Variants in PRIM2 observed in about 807,000 individuals in gnomAD.
PRIM2 encodes the protein DNA primase subunit 2.
PRIM2 carries 39 observed loss-of-function variants against 67.3 expected under a neutral mutation model. The ratio of observed to expected loss-of-function variants is 0.58; its 90% confidence interval spans 0.45 to 0.76. PRIM2 has a LOEUF of 0.76. Ranked by LOEUF, PRIM2 falls within the 30% of genes least tolerant of loss-of-function variation. PRIM2 has a pLI of 0.00. For synonymous variants in PRIM2, 143 were observed against 198.7 expected (o/e 0.72, Z 2.36); for missense variants, 398 against 598.7 (o/e 0.66, Z 3.50).
chr6:57,320,080 A>T (rs1021884252), intron 2 of PRIM2, among the ~76,000 whole-genome samples: 58 of 152,194 alleles, frequency 3.8e-4, no homozygotes, highest in African/African-American at 1.4e-3. Context: ...TGTTGAATCT[A>T]TGCCAAGTAA....
At chr6:57,305,362 G>A in the PRIM2 span, among the ~76,000 whole-genome samples, 4 of 152,230 alleles carry the variant, frequency 2.6e-5, no homozygotes, top group South Asian at 8.3e-4. Flanking sequence ...CAGTTCAGCC[G>A]ACAGCTTTGG....
chr6:57,527,323 A>G (rs1774777834), intron 8 of PRIM2, among the ~76,000 whole-genome samples: 1 of 152,234 alleles, frequency 6.6e-6, no homozygotes, highest in Admixed American at 6.5e-5. Flanking sequence ...TATCTTGTGG[A>G]AAGTGAAATC....
At chr6:57,623,470 A>ATACTCTGTTTATATAG (rs1172334994) in intron 12 of PRIM2, among the ~76,000 whole-genome samples, 1 of 152,148 alleles carries the variant, frequency 6.6e-6, no homozygotes, top group African/African-American at 2.4e-5. Flanking sequence ...TTAAAATTTA[A>ATACTCTGTTTATATAG]TACTCTGTTT....
intron 7 of PRIM2, among the ~76,000 whole-genome samples, chr6:57,383,880 C>T (rs966001776): frequency 1.3e-5 from 2 of 152,192 alleles, no homozygotes; most frequent in African/African-American, 4.8e-5. Flanking sequence ...GTGGAATTCT[C>T]TTTCTCTAGT....
the PRIM2 span, among the ~76,000 whole-genome samples, chr6:57,228,728 T>C: frequency 6.6e-6 from 1 of 152,192 alleles, no homozygotes; most frequent in African/African-American, 2.4e-5. Context: ...ATTCCAGCTG[T>C]ACCACTTACT....
chr6:57,417,767 G>A (rs1347039975), intron 7 of PRIM2, among the ~76,000 whole-genome samples: 2 of 152,182 alleles, frequency 1.3e-5, no homozygotes, highest in Admixed American at 6.5e-5. Context: ...GCAGAAACAC[G>A]AAGTGAGCAC....
chr6:57,466,154 T>C (rs1215889299), intron 7 of PRIM2, among the ~76,000 whole-genome samples: 1 of 152,220 alleles, frequency 6.6e-6, no homozygotes, highest in Non-Finnish European at 1.5e-5. Flanking sequence ...CATGAACTTA[T>C]CCTTTTCTAT....
At chr6:57,553,607 T>C (rs1775447583) in intron 10 of PRIM2, among the ~76,000 whole-genome samples, 1 of 152,004 alleles carries the variant, frequency 6.6e-6, no homozygotes, top group Non-Finnish European at 1.5e-5. Flanking sequence ...CAACATTGCA[T>C]GCACTTTCGT....
chr6:57,463,451 T>G (rs1773076741), intron 7 of PRIM2, among the ~76,000 whole-genome samples: 1 of 152,160 alleles, frequency 6.6e-6, no homozygotes, highest in South Asian at 2.1e-4. Flanking sequence ...GTGATTATAC[T>G]ACTGCAGCCC....
At chr6:57,293,620 A>G in the PRIM2 span, among the ~76,000 whole-genome samples, 4 of 152,236 alleles carry the variant, frequency 2.6e-5, no homozygotes, top group African/African-American at 9.6e-5. Flanking sequence ...GATTAAGAAA[A>G]TGTGGCACAT....
At chr6:57,639,715 C>T (rs1395024570) in intron 13 of PRIM2, among the ~76,000 whole-genome samples, 20 of 149,554 alleles carry the variant, frequency 1.3e-4, no homozygotes, top group African/African-American at 5.0e-4. Context: ...AGACTAATAA[C>T]AGGTTCTGAA....
At chr6:57,371,360 G>T (rs529928053) in intron 5 of PRIM2, among the ~76,000 whole-genome samples, 71 of 152,120 alleles carry the variant, frequency 4.7e-4, no homozygotes, top group African/African-American at 1.7e-3. Flanking sequence ...ATTATGCTAG[G>T]TGAAGTATTA....
At chr6:57,522,970 C>T (rs1162964719) in intron 8 of PRIM2, among the ~76,000 whole-genome samples, 1 of 152,102 alleles carries the variant, frequency 6.6e-6, no homozygotes, top group East Asian at 1.9e-4. Context: ...TATTCAAGGA[C>T]ATCTAAATTC....
the PRIM2 span, among the ~76,000 whole-genome samples, chr6:57,232,500 G>A: frequency 5.1e-4 from 77 of 152,294 alleles, no homozygotes; most frequent in African/African-American, 1.8e-3. Context: ...AGTGAGCTGA[G>A]ATCGCGCCAC....
intron 10 of PRIM2, among the ~76,000 whole-genome samples, chr6:57,577,642 T>G (rs1471153293): frequency 1.3e-5 from 2 of 152,088 alleles, no homozygotes; most frequent in African/African-American, 4.8e-5. Flanking sequence ...TTGGCCAGAC[T>G]GGTCTCAAAC....
At chr6:57,268,710 G>A in the PRIM2 span, among the ~76,000 whole-genome samples, 10 of 151,454 alleles carry the variant, frequency 6.6e-5, no homozygotes, top group South Asian at 6.3e-4. Context: ...GTATACATGT[G>A]TCATGTTGGT....
intron 12 of PRIM2, among the ~76,000 whole-genome samples, chr6:57,606,960 G>A (rs1776574433): frequency 6.6e-6 from 1 of 152,190 alleles, no homozygotes; most frequent in African/African-American, 2.4e-5. Flanking sequence ...TTGTCTTATG[G>A]ACAATGGAAA....
upstream of PRIM2, among the ~76,000 whole-genome samples, chr6:57,313,670 A>T (rs1173119782): frequency 6.6e-6 from 1 of 152,072 alleles, no homozygotes; most frequent in Non-Finnish European, 1.5e-5. Flanking sequence ...AGGTTGGCTA[A>T]CTCTGCATTA....
At chr6:57,239,556 G>A in the PRIM2 span, among the ~76,000 whole-genome samples, 1 of 152,126 alleles carries the variant, frequency 6.6e-6, no homozygotes, top group East Asian at 1.9e-4. Flanking sequence ...GCAACATGGC[G>A]AGACCCCAAA....
Sources: allele counts gnomAD v4.1 joint callset (sites outside exome capture counted in the v4.1 genomes callset), GRCh38; gene constraint gnomAD v4.1.1; transcripts MANE v1.5; gene names NCBI Gene and HGNC (gene_info 2026-07-23, HGNC 2026-07-21).